The following HDAC9 variants were observed in gnomAD, a reference collection of about 807,000 sequenced individuals.
The protein encoded by HDAC9 is histone deacetylase 9, also known as MEF-2 interacting transcription repressor (MITR) protein.
In HDAC9, 41 loss-of-function variants were observed where a neutral mutation model predicts 139.4. The observed-to-expected ratio is 0.29, with a 90% CI of 0.23 to 0.38. HDAC9 has a LOEUF of 0.38. Ranked by LOEUF, HDAC9 falls within the 10% of genes least tolerant of loss-of-function variation. HDAC9 has a pLI of 1.00. For missense variants in HDAC9, 1,147 were observed against 1,297.0 expected (o/e 0.88, Z 1.78); for synonymous variants, 517 against 476.2 (o/e 1.09, Z -1.12).
chr7:18,226,800 A>G (rs1793085948), intron 2 of HDAC9, among the ~76,000 whole-genome samples: 1 of 152,226 alleles, frequency 6.6e-6, no homozygotes, highest in African/African-American at 2.4e-5. Flanking sequence ...ATCTGGAGTG[A>G]TATAGCAGGA....
intron 17 of HDAC9, among the ~76,000 whole-genome samples, chr7:18,825,900 T>C (rs1795396397): frequency 6.7e-6 from 1 of 148,452 alleles, no homozygotes; most frequent in Admixed American, 6.7e-5. Context: ...ATATATAATG[T>C]TATATTTATA....
intron 2 of HDAC9, among the ~76,000 whole-genome samples, chr7:18,181,654 A>T (rs895188552): frequency 2.0e-5 from 3 of 152,204 alleles, no homozygotes; most frequent in African/African-American, 7.2e-5. Flanking sequence ...AATTTTTGTC[A>T]ACCCTGGCTG....
chr7:18,880,641 G>A (rs1457868813), intron 22 of HDAC9, among the ~76,000 whole-genome samples: 2 of 151,904 alleles, frequency 1.3e-5, no homozygotes, highest in Admixed American at 6.6e-5. Flanking sequence ...CAGATACTGG[G>A]GTCTACTTGA....
chr7:18,744,535 G>C (rs1025247020), intron 13 of HDAC9, among the ~76,000 whole-genome samples: 2 of 152,082 alleles, frequency 1.3e-5, no homozygotes, highest in African/African-American at 2.4e-5. Context: ...ATATGAAGTT[G>C]AATGTTAGGA....
At chr7:18,672,820 A>G (rs1046580032) in intron 12 of HDAC9, among the ~76,000 whole-genome samples, 1 of 151,924 alleles carries the variant, frequency 6.6e-6, no homozygotes. Context: ...CTCATACTTT[A>G]TCTTCATTTT....
At chr7:18,782,136 A>G (rs983676750) in intron 16 of HDAC9, among the ~76,000 whole-genome samples, 3 of 152,086 alleles carry the variant, frequency 2.0e-5, no homozygotes, top group Non-Finnish European at 2.9e-5. Flanking sequence ...CGTCAGCATA[A>G]AATAGCAGCA....
intron 1 of HDAC9, among the ~76,000 whole-genome samples, chr7:18,385,487 A>G (rs1785834627): frequency 6.6e-6 from 1 of 152,192 alleles, no homozygotes; most frequent in Admixed American, 6.5e-5. Context: ...AAGATACATC[A>G]CTATATCACT....
At chr7:18,733,394 T>C (rs1417843616) in intron 13 of HDAC9, among the ~76,000 whole-genome samples, 1 of 150,716 alleles carries the variant, frequency 6.6e-6, no homozygotes, top group Non-Finnish European at 1.5e-5. Flanking sequence ...CTGTTATTAC[T>C]CATATTAGAA....
intron 13 of HDAC9, among the ~76,000 whole-genome samples, chr7:18,733,495 C>G (rs1239429609): frequency 1.3e-5 from 2 of 151,396 alleles, no homozygotes; most frequent in Non-Finnish European, 2.9e-5. Context: ...TCAAAAAACT[C>G]TTCCAAAATT....
intron 22 of HDAC9, among the ~76,000 whole-genome samples, chr7:18,914,353 G>A (rs35248186): frequency 3.0e-4 from 45 of 151,662 alleles, no homozygotes; most frequent in Non-Finnish European, 5.6e-4. Context: ...CTATTCATTC[G>A]TTTCAGGTTT....
chr7:18,279,536 G>C (rs1242996540), intron 2 of HDAC9, among the ~76,000 whole-genome samples: 1 of 151,898 alleles, frequency 6.6e-6, no homozygotes, highest in African/African-American at 2.4e-5. Context: ...CGTGATCTCA[G>C]CTCACTGCAA....
At chr7:18,852,430 A>G (rs1235368489) in intron 21 of HDAC9, among the ~76,000 whole-genome samples, 2 of 152,202 alleles carry the variant, frequency 1.3e-5, no homozygotes, top group Admixed American at 6.5e-5. Context: ...TCCTATTCTG[A>G]GGCCAGGCCT....
At chr7:18,871,841 A>G (rs1349589953) in intron 21 of HDAC9, among the ~76,000 whole-genome samples, 2 of 152,172 alleles carry the variant, frequency 1.3e-5, no homozygotes, top group East Asian at 3.9e-4. Context: ...GTGGAGTCTC[A>G]GTTTCATTCA....
At chr7:18,743,804 A>G (rs1232573084) in intron 13 of HDAC9, among the ~76,000 whole-genome samples, 1 of 152,016 alleles carries the variant, frequency 6.6e-6, no homozygotes, top group Non-Finnish European at 1.5e-5. Flanking sequence ...AACAGCCACT[A>G]TGCATGAGAT....
At chr7:18,441,400 A>G (rs1449885890) in intron 1 of HDAC9, among the ~76,000 whole-genome samples, 2 of 152,190 alleles carry the variant, frequency 1.3e-5, no homozygotes, top group East Asian at 3.8e-4. Context: ...CTTGCATGAC[A>G]ATGAAAAATG....
chr7:18,894,108 A>AG (rs1800950511), intron 22 of HDAC9, among the ~76,000 whole-genome samples: 1 of 152,160 alleles, frequency 6.6e-6, no homozygotes, highest in Admixed American at 6.5e-5. Context: ...AATGGAGTAA[A>AG]GGATGACTTC....
chr7:18,481,227 A>T (rs1316921478), intron 1 of HDAC9, among the ~76,000 whole-genome samples: 1 of 152,222 alleles, frequency 6.6e-6, no homozygotes, highest in Non-Finnish European at 1.5e-5. Context: ...GATGATGGAC[A>T]TGGTGGTATA....
intron 2 of HDAC9, chr7:18,162,609 C>T (rs1337643683): frequency 2.1e-6 from 1 of 486,774 alleles, no homozygotes; most frequent in Non-Finnish European, 3.7e-6. Flanking sequence ...AGGTAACATT[C>T]AGATTGAACT....
intron 1 of HDAC9, among the ~76,000 whole-genome samples, chr7:18,160,707 C>G (rs1013844791): frequency 6.6e-6 from 1 of 152,042 alleles, no homozygotes; most frequent in African/African-American, 2.4e-5. Flanking sequence ...ACCTCTGCCT[C>G]CCGGGTTCAA....
Sources: gnomAD v4.1 joint callset for allele counts (sites outside exome capture counted in the v4.1 genomes callset) on GRCh38, gnomAD v4.1.1 for gene constraint, MANE v1.5 for transcripts, NCBI Gene and HGNC (gene_info 2026-07-23, HGNC 2026-07-21) for gene names.